Variants in HNRNPR observed in about 807,000 individuals in gnomAD.
HNRNPR encodes the protein heterogeneous nuclear ribonucleoprotein R.
HNRNPR carries 4 observed loss-of-function variants against 70.3 expected under a neutral mutation model. The ratio of observed to expected loss-of-function variants is 0.06; its 90% CI spans 0.03 to 0.13. The LOEUF is 0.13. Among genes scored for constraint, HNRNPR ranks in the 10% least tolerant of loss-of-function variants. The pLI, the probability that HNRNPR is intolerant of heterozygous loss-of-function variation, is 1.00. For synonymous variants in HNRNPR, 241 were observed against 267.6 expected, an observed-to-expected ratio of 0.90 and a Z score of 0.97; for missense variants, 423 against 788.5, an observed-to-expected ratio of 0.54 and a Z score of 5.55.
intron 1 of HNRNPR, 43 bp downstream of exon 1, chr1:23,344,168 G>C (rs1218706645): frequency 6.6e-6 from 1 of 151,132 alleles, no homozygotes; most frequent in Middle Eastern, 3.2e-3. Context: ...GGGTCGCATC[G>C]GGGCTCCCGG....
intron 5 of HNRNPR, among the ~76,000 whole-genome samples, chr1:23,328,949 C>T (rs1174780121): frequency 6.6e-6 from 1 of 152,174 alleles, no homozygotes; most frequent in East Asian, 1.9e-4. Context: ...CGAGACCCTG[C>T]CTCTATAAAA....
rs1477929695 is a variant in HNRNPR at position 23,338,992 on chromosome 1, G to A, written c.158-384C>T. The stretch of plus-strand genomic sequence containing the variant: ...TATTAGAGTGATAAGAATACATTGC[G>A]TTTTCCAAGGATAAACCTTCAAATT... On this transcript the variant is annotated intron_variant, in intron 2 of 10. Coordinates refer to ENST00000302271, the MANE Select transcript of HNRNPR (RefSeq NM_005826.5). Among the ~76,000 whole-genome samples the A allele has an allele frequency of 3.3e-5, 5 of 152,142 alleles. No homozygotes were observed. In the South Asian group the frequency reaches 6.2e-4, roughly 19 times the overall value.
At chr1:23,336,501 G>A (rs1454322724) in intron 4 of HNRNPR, among the ~76,000 whole-genome samples, 3 of 147,954 alleles carry the variant, frequency 2.0e-5, no homozygotes, top group Admixed American at 6.9e-5. Context: ...GAACCCAGGA[G>A]GCAGACCTTG....
At position 23,308,147 on chromosome 1, in the gene HNRNPR, T is replaced by C. The variant is rs1191414711; in HGVS notation, c.*2307A>G. 3 of 152,006 alleles carry C rather than the reference T, an allele frequency of 2.0e-5. No homozygotes were observed. Among genetic ancestry groups the C allele is most frequent in the African/African-American group, 7.2e-5 (3 of 41,426 alleles). The allele number at this position is 152,006 out of a possible 1,614,324, so 9.4% of individuals were successfully genotyped here. A position where few individuals can be genotyped will look rare whatever the true frequency, so the allele number is the denominator to read the frequency against. ...ATAGCCACAAAACCTATAAACCAAA[T>C]ATTAGAGGGTACCTCTGCAAATATA... On this transcript the variant is annotated 3_prime_UTR_variant, in exon 11 of 11. Coordinates refer to ENST00000302271, the MANE Select transcript of HNRNPR (RefSeq NM_005826.5).
chr1:23,324,965 C>T (rs1231728716), intron 5 of HNRNPR, among the ~76,000 whole-genome samples: 1 of 151,788 alleles, frequency 6.6e-6, no homozygotes, highest in Non-Finnish European at 1.5e-5. Context: ...ATGGTGAAAC[C>T]CTGTCTCTAC....
chr1:23,343,285 C>G (rs1646773773), intron 1 of HNRNPR, among the ~76,000 whole-genome samples: 1 of 152,198 alleles, frequency 6.6e-6, no homozygotes, highest in Admixed American at 6.5e-5. Flanking sequence ...CTGAACCTCT[C>G]TGTGCAAATT....
chr1:23,319,178 GTTCT>G (rs1418350211), intron 7 of HNRNPR, among the ~76,000 whole-genome samples: 3 of 152,106 alleles, frequency 2.0e-5, no homozygotes, highest in Non-Finnish European at 4.4e-5. Context: ...CTCCGTATGT[GTTCT>G]TTCTAAATAA....
rs769779258 is a variant in HNRNPR, at chr1:23,321,568, C to T, written c.771G>A (p.Lys257=). The stretch of plus-strand genomic sequence containing the variant: ...ATTCTTCCAAAATGTTTTCTTTAGT[C>T]TTATTCTTCGGAATGGATCCAACAA... ...RLFVGSIPKN[K]TKENILEEFS... The change falls in exon 7 of 11, where the codon AAG becomes AAA. Residue 257 remains lysine (K), a synonymous_variant. Coordinates refer to ENST00000302271, the MANE Select transcript of HNRNPR (RefSeq NM_005826.5). 1.2e-6 allele frequency: 2 copies of T among 1,613,596 alleles called. No individual in the cohort carries two copies. Among genetic ancestry groups the T allele is most frequent in the East Asian group, 4.5e-5 (2 of 44,838 alleles).
chr1:23,339,035 A>G (rs1646613202), intron 2 of HNRNPR, among the ~76,000 whole-genome samples: 1 of 152,246 alleles, frequency 6.6e-6, no homozygotes, highest in Admixed American at 6.5e-5. Flanking sequence ...GTTACAGTTG[A>G]TGCTAACCAC....
rs139879053 is a variant in HNRNPR, at chr1:23,313,306, A to T, written c.1167+247T>A. Among the ~76,000 whole-genome samples the T allele has an allele frequency of 9.7e-3, 1,483 of 152,266 alleles. 16 individuals carry two copies. The highest frequency in any genetic ancestry group is 0.034 in the Middle Eastern group (10 of 294). The stretch of plus-strand genomic sequence containing the variant: ...TGTAATACTTCCAAGGCATCATGCT[A>T]TCGAATCTTACAAAACAATACAGAG... On this transcript the variant is annotated intron_variant, in intron 9 of 10. Transcript: ENST00000302271.
At chr1:23,324,732 T>G (rs1397901665) in intron 5 of HNRNPR, among the ~76,000 whole-genome samples, 1 of 152,200 alleles carries the variant, frequency 6.6e-6, no homozygotes, top group Non-Finnish European at 1.5e-5. Context: ...TACAAAATTA[T>G]ATACGATTAA....
At chr1:23,343,587 T>A (rs1646786033) in intron 1 of HNRNPR, among the ~76,000 whole-genome samples, 1 of 152,254 alleles carries the variant, frequency 6.6e-6, no homozygotes, top group South Asian at 2.1e-4. Flanking sequence ...AGGCGCCGCT[T>A]GGAGCCTAAG....
At position 23,336,635 on chromosome 1, in the gene HNRNPR, A is replaced by T. The variant is rs190128554; in HGVS notation, c.384+1119T>A. On this transcript the variant is annotated intron_variant, in intron 4 of 10. Transcript: ENST00000302271. Reference sequence around the variant, plus strand: ...TGTGGTGGCGCACGCCTGTAGTCCCAGCTACTCAGGAGGCTGAGGCAGGAG... The same window carrying T: ...TGTGGTGGCGCACGCCTGTAGTCCCTGCTACTCAGGAGGCTGAGGCAGGAG... Among the ~76,000 whole-genome samples the T allele has an allele frequency of 6.7e-5, 10 of 149,710 alleles. No individual in the cohort carries two copies. In the Admixed American group the frequency reaches 6.7e-4, roughly 10 times the overall value.
chr1:23,338,651 G>A, intron 2 of HNRNPR, 43 bp from the exon 3 acceptor site: 2 of 936,592 alleles, frequency 2.1e-6, no homozygotes, highest in Non-Finnish European at 3.4e-6. Flanking sequence ...GCAACAAAAG[G>A]GGTAATCTAA....
intron 1 of HNRNPR, among the ~76,000 whole-genome samples, chr1:23,342,799 A>T (rs955481361): frequency 2.0e-5 from 3 of 152,232 alleles, no homozygotes; most frequent in African/African-American, 7.2e-5. Flanking sequence ...TTCAATGAAC[A>T]TCTGTTAAGG....
In HNRNPR at chr1:23,315,456, C is replaced by T. The variant is rs145350334; in HGVS notation, c.1018-1754G>A. On this transcript the variant is annotated intron_variant, in intron 8 of 10. Coordinates refer to ENST00000302271, the MANE Select transcript of HNRNPR (RefSeq NM_005826.5). ...ATAGTAATGATGTATTTCCTCAGAG[C>T]TGATGAAACAGGATGGTGAATAAAC... 4.2e-3 allele frequency among the ~76,000 whole-genome samples: 637 copies of T among 152,130 alleles called. 6 individuals carry two copies. The highest frequency in any genetic ancestry group is 0.015 in the African/African-American group (603 of 41,478).
chr1:23,337,512 C>T (rs1227508402), intron 4 of HNRNPR, among the ~76,000 whole-genome samples: 1 of 151,982 alleles, frequency 6.6e-6, no homozygotes, highest in Non-Finnish European at 1.5e-5. Context: ...AAATAATTAG[C>T]TGGGTGTGGT....
At chr1:23,332,795 C>A (rs772642241) in intron 5 of HNRNPR, among the ~76,000 whole-genome samples, 12 of 151,822 alleles carry the variant, frequency 7.9e-5, no homozygotes, top group African/African-American at 2.7e-4. Flanking sequence ...AATCCCAGCA[C>A]TTTGGGAAGC....
intron 1 of HNRNPR, among the ~76,000 whole-genome samples, chr1:23,343,931 A>G (rs2148512397): frequency 6.6e-6 from 1 of 152,218 alleles, no homozygotes; most frequent in East Asian, 1.9e-4. Flanking sequence ...GGAGGCGGGA[A>G]AAGCACGGCC....
Sources: gnomAD v4.1 joint callset for allele counts (sites outside exome capture counted in the v4.1 genomes callset) on GRCh38, gnomAD v4.1.1 for gene constraint, MANE v1.5 for transcripts, NCBI Gene and HGNC (gene_info 2026-07-23, HGNC 2026-07-21) for gene names.